The following NIPBL variants were observed in gnomAD, a reference collection of about 807,000 sequenced individuals.
NIPBL encodes the protein nipped-B-like protein.
In NIPBL, 19 loss-of-function variants were observed where a neutral mutation model predicts 321.8. The ratio of observed to expected loss-of-function variants is 0.06; its 90% confidence interval spans 0.04 to 0.09. The LOEUF (loss-of-function observed/expected upper bound fraction) is 0.09, where lower values mean the gene tolerates loss of function less well. NIPBL is among the 10% of genes least tolerant of loss of function. The pLI is 1.00. For synonymous variants in NIPBL, 1,106 were observed against 1,114.1 expected (o/e 0.99, Z 0.14); for missense variants, 2,210 against 3,327.0 (o/e 0.66, Z 8.26).
At chr5:36,953,907 G>C in intron 2 of NIPBL, 147 bp downstream of exon 2, 3 of 679,782 alleles carry the variant, frequency 4.4e-6, no homozygotes. Context: ...AAAAAAAATT[G>C]ATAGCCTAAT....
At chr5:37,041,566 A>G (rs1016346658) in intron 34 of NIPBL, among the ~76,000 whole-genome samples, 2 of 114,030 alleles carry the variant, frequency 1.8e-5, no homozygotes, top group Non-Finnish European at 1.9e-5. Context: ...TGCCCGGCCT[A>G]TTTCTTTTTT....
At chr5:37,045,066 A>C (rs1327242802) in intron 36 of NIPBL, among the ~76,000 whole-genome samples, 1 of 152,204 alleles carries the variant, frequency 6.6e-6, no homozygotes, top group Non-Finnish European at 1.5e-5. Flanking sequence ...AGTAAAAATT[A>C]ATTGGCTGGG....
chr5:37,042,903 A>G (rs947775969), intron 34 of NIPBL, among the ~76,000 whole-genome samples: 17 of 148,848 alleles, frequency 1.1e-4, no homozygotes, highest in East Asian at 2.0e-4. Context: ...ACGCGCGCAC[A>G]CACACACACA....
At chr5:37,052,291 T>C in intron 41 of NIPBL, 75 bp from the exon 42 acceptor site, 3 of 1,145,954 alleles carry the variant, frequency 2.6e-6, no homozygotes, top group East Asian at 2.3e-5. Flanking sequence ...AGCCTCAGAA[T>C]GTAATGCTCT....
At chr5:37,037,905 A>G (rs944366849) in intron 33 of NIPBL, among the ~76,000 whole-genome samples, 17 of 151,520 alleles carry the variant, frequency 1.1e-4, no homozygotes, top group African/African-American at 4.1e-4. Context: ...CTTCTACTGC[A>G]ACAACATGTC....
At chr5:36,995,518 A>C in intron 10 of NIPBL, 104 bp from the exon 11 acceptor site, 1 of 751,790 alleles carries the variant, frequency 1.3e-6, no homozygotes, top group Non-Finnish European at 2.2e-6. Context: ...TAAACAGTTG[A>C]TTTAGAAAAC....
chr5:36,997,535 A>C (rs957779711), intron 11 of NIPBL, among the ~76,000 whole-genome samples: 5 of 152,156 alleles, frequency 3.3e-5, no homozygotes, highest in African/African-American at 1.2e-4. Flanking sequence ...CTTCGTTATA[A>C]AGCCATGGAC....
At chr5:36,921,297 TG>T (rs1748923755) in intron 1 of NIPBL, among the ~76,000 whole-genome samples, 1 of 152,198 alleles carries the variant, frequency 6.6e-6, no homozygotes, top group African/African-American at 2.4e-5. Flanking sequence ...TAAAAATCTA[TG>T]ATGAAATCTT....
chr5:36,951,219 C>G (rs7704442), intron 1 of NIPBL, among the ~76,000 whole-genome samples: 25,868 of 152,044 alleles, frequency 0.17, 2,549 homozygotes, highest in African/African-American at 0.25. Flanking sequence ...ACATGGGTAA[C>G]TAAATACATA....
At chr5:36,993,719 T>C (rs1408654423) in intron 10 of NIPBL, among the ~76,000 whole-genome samples, 1 of 152,096 alleles carries the variant, frequency 6.6e-6, no homozygotes, top group African/African-American at 2.4e-5. Flanking sequence ...GGGTTATCTG[T>C]ATTTATAAAC....
chr5:36,891,880 T>C (rs1746360580), intron 1 of NIPBL, among the ~76,000 whole-genome samples: 1 of 152,054 alleles, frequency 6.6e-6, no homozygotes, highest in Admixed American at 6.6e-5. Flanking sequence ...CTAGTTATAG[T>C]TTAGTGATTC....
rs1320104277 is a variant in NIPBL, at chr5:36,876,962, T to G, written c.-296T>G. On this transcript the variant is annotated 5_prime_UTR_variant, in exon 1 of 47. Coordinates refer to ENST00000282516, the MANE Select transcript of NIPBL (RefSeq NM_133433.4). ...CCCCCCCGGTAGCTCGGGCCCGTGGTCGGGTGTTTGTGAGTGTTTCTATGT... is the reference window on the plus strand; with the variant it reads ...CCCCCCCGGTAGCTCGGGCCCGTGGGCGGGTGTTTGTGAGTGTTTCTATGT... The G allele has an allele frequency of 5.1e-6, 2 of 391,866 alleles. No homozygotes were observed. The highest frequency in any genetic ancestry group is 3.6e-5 in the East Asian group (1 of 27,488). The allele number at this position is 391,866 out of a possible 1,614,324, so 24.3% of individuals were successfully genotyped here. A position where few individuals can be genotyped will look rare whatever the true frequency, so the allele number is the denominator to read the frequency against.
intron 38 of NIPBL, among the ~76,000 whole-genome samples, chr5:37,046,708 T>C (rs530231409): frequency 1.3e-5 from 2 of 152,352 alleles, no homozygotes; most frequent in South Asian, 4.1e-4. Context: ...TTATAATGTT[T>C]TTCCAGGAAG....
intron 1 of NIPBL, among the ~76,000 whole-genome samples, chr5:36,922,125 C>T (rs1389028598): frequency 1.3e-5 from 2 of 151,802 alleles, no homozygotes; most frequent in Non-Finnish European, 2.9e-5. Flanking sequence ...TGACCTCAGG[C>T]GATCTGCCCG....
intron 6 of NIPBL, among the ~76,000 whole-genome samples, chr5:36,968,501 G>A (rs566177164): frequency 3.3e-5 from 5 of 151,986 alleles, no homozygotes; most frequent in South Asian, 2.1e-4. Flanking sequence ...CCTGGGAGGC[G>A]GAGCTTGCAG....
intron 1 of NIPBL, among the ~76,000 whole-genome samples, chr5:36,895,646 TG>T (rs1746676288): frequency 6.6e-6 from 1 of 152,188 alleles, no homozygotes; most frequent in Admixed American, 6.5e-5. Context: ...CTGATTGTAT[TG>T]GTCCTAGAGG....
chr5:36,883,890 T>G (rs571791938), intron 1 of NIPBL, among the ~76,000 whole-genome samples: 1 of 151,984 alleles, frequency 6.6e-6, no homozygotes, highest in South Asian at 2.1e-4. Flanking sequence ...CATTTATTAT[T>G]TATTTATTTT....
At chr5:36,901,157 C>G (rs1747179092) in intron 1 of NIPBL, among the ~76,000 whole-genome samples, 1 of 152,140 alleles carries the variant, frequency 6.6e-6, no homozygotes, top group African/African-American at 2.4e-5. Flanking sequence ...CATCTGTGGT[C>G]TATGTTTAGC....
At chr5:37,012,606 GC>G (rs1159939076) in intron 21 of NIPBL, among the ~76,000 whole-genome samples, 38 of 152,228 alleles carry the variant, frequency 2.5e-4, no homozygotes, top group African/African-American at 7.7e-4. Context: ...GGACCCTGCG[GC>G]CTTCCGGCCT....
Sources: allele counts gnomAD v4.1 joint callset (sites outside exome capture counted in the v4.1 genomes callset), GRCh38; gene constraint gnomAD v4.1.1; transcripts MANE v1.5; gene names NCBI Gene and HGNC (gene_info 2026-07-23, HGNC 2026-07-21).